The following CFAP91 variants were observed in gnomAD, a reference collection of about 807,000 sequenced individuals.
The protein encoded by CFAP91 is cilia and flagella associated protein 91, also known as cilia- and flagella-associated protein 91.
Under a neutral mutation model 95.9 loss-of-function variants are expected in CFAP91, and 85 were observed. That is an observed-to-expected ratio of 0.89 (90% CI 0.74 to 1.06). The LOEUF (loss-of-function observed/expected upper bound fraction) is 1.06. Among genes scored for constraint, CFAP91 ranks in the 50% least tolerant of loss-of-function variants. CFAP91 has a pLI of 0.00. For synonymous variants in CFAP91, 335 were observed against 327.5 expected, an observed-to-expected ratio of 1.02 and a Z score of -0.25; for missense variants, 962 against 943.4, an observed-to-expected ratio of 1.02 and a Z score of -0.26.
Position 119,726,151 on chromosome 3 carries a change from T to C in CFAP91, c.683-20T>C. ...TGGGTCAGCTCACTTGTTCCTAAGC[T>C]GTGCTGCTTTATCCTGCAGGTCGGG... On this transcript the variant is annotated intron_variant, in intron 6 of 17. Transcript: ENST00000273390. 1.3e-6 allele frequency: 2 copies of C among 1,589,516 alleles called. No homozygotes were observed. The highest frequency in any genetic ancestry group is 1.7e-6 in the Non-Finnish European group (2 of 1,170,150).
chr3:119,717,146 T>TG (rs2053590874), intron 6 of CFAP91, among the ~76,000 whole-genome samples: 1 of 152,236 alleles, frequency 6.6e-6, no homozygotes, highest in South Asian at 2.1e-4. Flanking sequence ...CCAAGTCACC[T>TG]GCCTGAAGGT....
Position 119,732,422 on chromosome 3 carries a change from GACA to G in CFAP91, c.1153_1155del (p.Asn385del), listed in dbSNP as rs1559758216. The G allele has an allele frequency of 1.9e-6, 3 of 1,612,356 alleles. No individual in the cohort carries two copies. The highest frequency in any genetic ancestry group is 2.5e-6 in the Non-Finnish European group (3 of 1,179,438). ...TCTGTCTCGTCTTGGGTGTTTCCCA[GACA>G]ACAACTCAGAGGACTTTGTAGTAAA... On this transcript the variant is annotated inframe_deletion, in exon 9 of 18. Transcript: ENST00000273390.
At position 119,742,466 on chromosome 3, in the gene CFAP91, A is replaced by T. The variant is rs183322373; in HGVS notation, c.1681-1509A>T. 3.0e-4 allele frequency among the ~76,000 whole-genome samples: 45 copies of T among 152,324 alleles called. No homozygotes were observed. In the South Asian group the frequency reaches 9.1e-3, roughly 31 times the overall value. ...AACATTTCCCTTAATTTCAAATTAG[A>T]TGGTACTGCCTGTGCCTACCCAGAT... On this transcript the variant is annotated intron_variant, in intron 13 of 17. Transcript: ENST00000273390.
At chr3:119,706,916 G>GA in intron 2 of CFAP91, 31 bp downstream of exon 2, 1 of 1,549,370 alleles carries the variant, frequency 6.5e-7, no homozygotes, top group Non-Finnish European at 8.9e-7. Flanking sequence ...AAGGCTACCT[G>GA]ATGAACCTGA....
intron 10 of CFAP91, 138 bp downstream of exon 10, chr3:119,733,644 C>T: frequency 2.4e-6 from 2 of 838,286 alleles, no homozygotes; most frequent in East Asian, 2.6e-5. Flanking sequence ...TGAGGTTGCC[C>T]ATGCTGTGCT....
chr3:119,744,222 G>T (rs2107904566), intron 14 of CFAP91, 26 bp downstream of exon 14: 1 of 1,570,732 alleles, frequency 6.4e-7, no homozygotes, highest in East Asian at 2.2e-5. Context: ...TGGGTGTGTG[G>T]AAGCTGCCTA....
intron 3 of CFAP91, 109 bp downstream of exon 3, chr3:119,707,670 GCCAAATTTTCTTTCTAAA>G: frequency 1.0e-6 from 1 of 999,684 alleles, no homozygotes. Context: ...TTATACCTAG[GCCAAATTTTCTTTCTAAA>G]CCTCTTTTGA....
chr3:119,753,028 G>A (rs964540285), intron 17 of CFAP91, among the ~76,000 whole-genome samples: 15 of 152,016 alleles, frequency 9.9e-5, no homozygotes, highest in African/African-American at 3.6e-4. Flanking sequence ...AGTAGTCATG[G>A]GCCACTGATT....
intron 17 of CFAP91, among the ~76,000 whole-genome samples, chr3:119,754,115 A>C (rs1378236911): frequency 6.6e-6 from 1 of 152,190 alleles, no homozygotes; most frequent in African/African-American, 2.4e-5. Flanking sequence ...TACATACTAT[A>C]TATATGGACA....
At chr3:119,737,089 T>A (rs1412688089) in intron 10 of CFAP91, among the ~76,000 whole-genome samples, 2 of 152,316 alleles carry the variant, frequency 1.3e-5, no homozygotes, top group African/African-American at 4.8e-5. Context: ...TCATAGCACG[T>A]CTTGAGAGAT....
chr3:119,722,034 G>T (rs946773051), intron 6 of CFAP91, among the ~76,000 whole-genome samples: 1 of 151,992 alleles, frequency 6.6e-6, no homozygotes, highest in African/African-American at 2.4e-5. Flanking sequence ...TTAGCCAAGT[G>T]TGGTGGTGCA....
At chr3:119,733,290 A>G in intron 9 of CFAP91, 74 bp from the exon 10 acceptor site, 1 of 1,511,280 alleles carries the variant, frequency 6.6e-7, no homozygotes, top group East Asian at 2.3e-5. Flanking sequence ...AAACAGCTAC[A>G]AAAGTTAACA....
At chr3:119,748,324 G>C (rs1470384193) in intron 16 of CFAP91, among the ~76,000 whole-genome samples, 1 of 152,166 alleles carries the variant, frequency 6.6e-6, no homozygotes, top group Non-Finnish European at 1.5e-5. Context: ...CTACCCTGCT[G>C]CTCTGCCTGT....
intron 6 of CFAP91, among the ~76,000 whole-genome samples, chr3:119,720,720 T>C (rs2053667842): frequency 1.3e-5 from 2 of 152,198 alleles, no homozygotes; most frequent in Admixed American, 6.5e-5. Context: ...CAGTTATTAC[T>C]TAGTATTGGT....
intron 14 of CFAP91, among the ~76,000 whole-genome samples, chr3:119,746,127 TG>T (rs1371967201): frequency 6.6e-6 from 1 of 152,312 alleles, no homozygotes; most frequent in African/African-American, 2.4e-5. Context: ...ACTTTGTTTA[TG>T]GTTACATACC....
chr3:119,714,336 A>T (rs2053534353), intron 5 of CFAP91, among the ~76,000 whole-genome samples: 1 of 150,344 alleles, frequency 6.7e-6, no homozygotes, highest in Admixed American at 6.7e-5. Flanking sequence ...ACTGCACTCT[A>T]ACCTGGGCGA....
chr3:119,730,357 T>G lies in CFAP91; in HGVS notation c.998T>G (p.Ile333Ser). 1 of 1,614,028 alleles carries G rather than the reference T, an allele frequency of 6.2e-7. No homozygotes were observed. Among genetic ancestry groups the G allele is most frequent in the Non-Finnish European group, 8.5e-7 (1 of 1,179,972 alleles). ...GGAAAAGAGGCAAAAATGGCAAAAA[T>G]TCAGCGCACGCATGTATCAAGTAAT... ...QEGKEAKMAK[I>S]QRTHVSTIRK... The change falls in exon 8 of 18, where the codon ATT (isoleucine) becomes AGT (serine). Residue 333 changes from isoleucine to serine, a missense_variant. By Grantham distance (142) the Ile-to-Ser change is moderately radical (BLOSUM62 -2). Coordinates refer to ENST00000273390, the MANE Select transcript of CFAP91 (RefSeq NM_033364.4).
At chr3:119,738,189 G>A (rs1349523208) in intron 11 of CFAP91, among the ~76,000 whole-genome samples, 1 of 152,046 alleles carries the variant, frequency 6.6e-6, no homozygotes, top group Admixed American at 6.6e-5. Context: ...GGTGTTGGTG[G>A]GAGACCATGC....
intron 17 of CFAP91, among the ~76,000 whole-genome samples, chr3:119,751,474 G>A (rs1328670273): frequency 6.6e-6 from 1 of 152,168 alleles, no homozygotes; most frequent in Non-Finnish European, 1.5e-5. Context: ...CTGTAAGCAT[G>A]GCATGAGACA....
Sources: gnomAD v4.1 joint callset for allele counts (sites outside exome capture counted in the v4.1 genomes callset) on GRCh38, gnomAD v4.1.1 for gene constraint, MANE v1.5 for transcripts, NCBI Gene and HGNC (gene_info 2026-07-23, HGNC 2026-07-21) for gene names.